IMMT: variants seen among roughly 807,000 people sequenced by gnomAD.
The protein encoded by IMMT is inner membrane mitochondrial protein, also known as MICOS complex subunit MIC60.
Under a neutral mutation model 92.7 loss-of-function variants are expected in IMMT, and 40 were observed. The observed-to-expected ratio is 0.43, with a 90% CI of 0.34 to 0.56. The LOEUF (loss-of-function observed/expected upper bound fraction) is 0.56. Ranked by LOEUF, IMMT falls within the 20% of genes least tolerant of loss-of-function variation. The pLI is 0.03. For synonymous variants in IMMT, 322 were observed against 336.1 expected (o/e 0.96, Z 0.46); for missense variants, 831 against 912.1 (o/e 0.91, Z 1.14).
chr2:86,165,034 A>G (rs1676575100), intron 7 of IMMT, among the ~76,000 whole-genome samples: 1 of 152,152 alleles, frequency 6.6e-6, no homozygotes. Flanking sequence ...GTGTTCATAC[A>G]TTTTTCCAAT....
intron 1 of IMMT, among the ~76,000 whole-genome samples, chr2:86,189,402 T>C (rs1036447600): frequency 6.6e-6 from 1 of 152,084 alleles, no homozygotes; most frequent in Non-Finnish European, 1.5e-5. Context: ...ACCCGGCTAA[T>C]TTTTGTATTT....
At chr2:86,169,902 A>T (rs1676967186) in intron 6 of IMMT, among the ~76,000 whole-genome samples, 1 of 151,962 alleles carries the variant, frequency 6.6e-6, no homozygotes, top group African/African-American at 2.4e-5. Context: ...ACAAACAAAC[A>T]AAAAAACCAT....
intron 4 of IMMT, among the ~76,000 whole-genome samples, chr2:86,173,303 G>A (rs551976348): frequency 5.6e-4 from 86 of 152,214 alleles, no homozygotes; most frequent in East Asian, 5.8e-4. Flanking sequence ...TGAAGAGGCC[G>A]GGCATGGTGG....
chr2:86,185,777 C>G (rs941651238), intron 1 of IMMT, among the ~76,000 whole-genome samples: 1 of 152,210 alleles, frequency 6.6e-6, no homozygotes, highest in Admixed American at 6.5e-5. Context: ...AGACAAACTT[C>G]TACAGACAGG....
chr2:86,149,235 G>A (rs1398744852), intron 12 of IMMT, among the ~76,000 whole-genome samples: 1 of 152,182 alleles, frequency 6.6e-6, no homozygotes, highest in Admixed American at 6.5e-5. Context: ...TAAGCTTAGA[G>A]CTCAAGGTTT....
At chr2:86,189,750 T>G (rs562709907) in intron 1 of IMMT, among the ~76,000 whole-genome samples, 23 of 152,322 alleles carry the variant, frequency 1.5e-4, no homozygotes, top group African/African-American at 5.5e-4. Context: ...CAGTTCTACA[T>G]TTGAAATATA....
chr2:86,185,030 T>C (rs1672672124), intron 1 of IMMT, among the ~76,000 whole-genome samples: 1 of 151,894 alleles, frequency 6.6e-6, no homozygotes, highest in African/African-American at 2.4e-5. Context: ...CTACTAAAAA[T>C]ACAGAAAATT....
At chr2:86,192,651 G>C (rs1375418270) in intron 1 of IMMT, among the ~76,000 whole-genome samples, 1 of 152,172 alleles carries the variant, frequency 6.6e-6, no homozygotes, top group East Asian at 1.9e-4. Context: ...ACATCAGGTA[G>C]TGCTAGGAGC....
chr2:86,176,552 A>G (rs1677442722), intron 3 of IMMT, among the ~76,000 whole-genome samples: 5 of 152,224 alleles, frequency 3.3e-5, no homozygotes, highest in Admixed American at 3.3e-4. Flanking sequence ...TAGCTAACAA[A>G]ATATGAGCAA....
At chr2:86,183,524 T>C (rs1672564138) in intron 1 of IMMT, among the ~76,000 whole-genome samples, 1 of 152,210 alleles carries the variant, frequency 6.6e-6, no homozygotes, top group Non-Finnish European at 1.5e-5. Flanking sequence ...AGAATGTGTT[T>C]TGACTATAAG....
intron 1 of IMMT, chr2:86,195,035 G>A (rs1023842924): frequency 1.0e-4 from 38 of 364,288 alleles, no homozygotes; most frequent in Non-Finnish European, 1.6e-4. Flanking sequence ...CGGCGACCCA[G>A]ACGCCAGCAG....
chr2:86,166,929 C>T (rs1425084963), intron 6 of IMMT, among the ~76,000 whole-genome samples: 1 of 151,494 alleles, frequency 6.6e-6, no homozygotes, highest in African/African-American at 2.4e-5. Flanking sequence ...GAAACCCCGT[C>T]TCTACTAAAA....
At chr2:86,151,612 G>T in intron 11 of IMMT, 92 bp from the exon 12 acceptor site, 1 of 940,764 alleles carries the variant, frequency 1.1e-6, no homozygotes, top group Non-Finnish European at 1.6e-6. Context: ...TAATTTAAGA[G>T]CAGTAAACGA....
chr2:86,145,942 T>A lies in IMMT; in HGVS notation c.1663+126A>T, dbSNP rs966273981. 19 of 676,638 alleles carry A rather than the reference T, an allele frequency of 2.8e-5. No individual in the cohort carries two copies. In the East Asian group the frequency reaches 5.8e-4, roughly 21 times the overall value. 41.9% of individuals were successfully genotyped at this position (676,638 alleles called of 1,614,324 possible). ...TTACTTTTAATGGCAAAAACTGCAA[T>A]TAAGTAGAGTGATTAGTATTTTTAT... On this transcript the variant is annotated intron_variant, in intron 14 of 14. Coordinates refer to ENST00000410111, the MANE Select transcript of IMMT (RefSeq NM_006839.3).
chr2:86,144,454 G>GC lies in IMMT; in HGVS notation c.2090dup (p.Cys697TrpfsTer3). On this transcript the variant is annotated frameshift_variant, in exon 15 of 15. Transcript: ENST00000410111. LOFTEE classifies it high-confidence loss of function. ...CTAGCTCCAGATCACCATGCTCAAT[G>GC]CAATAGGAAGCATATGACAGTAATT... 1 of 1,613,942 alleles carries GC rather than the reference G, an allele frequency of 6.2e-7. No homozygotes were observed. The highest frequency in any genetic ancestry group is 1.1e-5 in the South Asian group (1 of 91,076).
chr2:86,181,466 T>G lies in IMMT; in HGVS notation c.46-94A>C. 10 of 818,878 alleles carry G rather than the reference T, an allele frequency of 1.2e-5. No individual in the cohort carries two copies. In the South Asian group the frequency reaches 1.6e-4, roughly 13 times the overall value. 50.7% of individuals were successfully genotyped at this position (818,878 alleles called of 1,614,324 possible). Reference sequence around the variant, plus strand: ...ACAGAAATAATACTTTTATTAAAAATGTCTTCATTAAACAAAAAATTACTT... The same window carrying G: ...ACAGAAATAATACTTTTATTAAAAAGGTCTTCATTAAACAAAAAATTACTT... On this transcript the variant is annotated intron_variant, in intron 1 of 14. Coordinates refer to ENST00000410111, the MANE Select transcript of IMMT (RefSeq NM_006839.3).
In IMMT at chr2:86,167,172, C is replaced by CTTT. The variant is rs1163472844; in HGVS notation, c.656-531_656-529dup. 5.6e-5 allele frequency among the ~76,000 whole-genome samples: 7 copies of CTTT among 126,016 alleles called. 1 individual carries two copies. The highest frequency in any genetic ancestry group is 5.0e-4 in the South Asian group (2 of 3,962). The allele number at this position is 126,016 out of a possible 152,430, so 82.7% of individuals were successfully genotyped here. ...AAATCTATGAAGCTTTATTACACTT[C>CTTT]TTTTTTTTTTTTTTTTTGAGACAGA... On this transcript the variant is annotated intron_variant, in intron 6 of 14. Transcript: ENST00000410111.
At chr2:86,173,608 A>T in intron 4 of IMMT, 42 bp downstream of exon 4, 2 of 1,082,666 alleles carry the variant, frequency 1.8e-6, no homozygotes, top group Non-Finnish European at 2.8e-6. Flanking sequence ...TGGTGAAGAG[A>T]TTTACCTATA....
intron 6 of IMMT, among the ~76,000 whole-genome samples, 169 bp downstream of exon 6, chr2:86,170,580 A>T (rs1461666038): frequency 6.6e-6 from 1 of 152,248 alleles, no homozygotes; most frequent in Non-Finnish European, 1.5e-5. Context: ...TAGGTAAAAG[A>T]AGTTTAGATG....
Sources: gnomAD v4.1 joint callset for allele counts (sites outside exome capture counted in the v4.1 genomes callset) on GRCh38, gnomAD v4.1.1 for gene constraint, MANE v1.5 for transcripts, NCBI Gene and HGNC (gene_info 2026-07-23, HGNC 2026-07-21) for gene names.